Variants in ATP1B4 observed in about 807,000 individuals in gnomAD.
The protein encoded by ATP1B4 is ATPase Na+/K+ transporting family member beta 4.
Under a neutral mutation model 29.6 loss-of-function variants are expected in ATP1B4, and 32 were observed. The observed-to-expected ratio is 1.08, with a 90% CI of 0.82 to 1.45. The LOEUF is 1.45. Ranked by LOEUF, ATP1B4 falls within the 40% of genes most tolerant of loss-of-function variation. The pLI is 0.00. For missense variants in ATP1B4, 323 were observed against 276.2 expected, an observed-to-expected ratio of 1.17 and a Z score of -1.20; for synonymous variants, 127 against 102.1, an observed-to-expected ratio of 1.24 and a Z score of -1.47.
chrX:120,379,447 A>G (rs947301289), intron 7 of ATP1B4, 26 bp from the exon 8 acceptor site: 3 of 1,182,206 alleles, frequency 2.5e-6, no homozygotes, highest in Non-Finnish European at 3.4e-6. Context: ...CCCCACACTT[A>G]GAATTCATTT....
At chrX:120,364,673 C>A (rs2058276829) in intron 1 of ATP1B4, among the ~76,000 whole-genome samples, 1 of 112,352 alleles carries the variant, frequency 8.9e-6, no homozygotes, top group African/African-American at 3.2e-5. Flanking sequence ...ACACTGTGAG[C>A]CTATGTCAGT....
intron 7 of ATP1B4, 28 bp downstream of exon 7, chrX:120,378,801 T>C (rs1275439214): frequency 8.7e-7 from 1 of 1,143,011 alleles, no homozygotes; most frequent in Non-Finnish European, 1.2e-6. Flanking sequence ...TAGTCATTGC[T>C]GTCAGAAAGG....
At chrX:120,376,657 C>T (rs1292746924) in intron 6 of ATP1B4, among the ~76,000 whole-genome samples, 2 of 111,789 alleles carry the variant, frequency 1.8e-5, no homozygotes, top group East Asian at 5.6e-4. Context: ...GTGTGTGTGT[C>T]AGTCAGTCTG....
chrX:120,364,188 C>T (rs746825971), intron 1 of ATP1B4, among the ~76,000 whole-genome samples: 8 of 111,719 alleles, frequency 7.2e-5, no homozygotes, highest in African/African-American at 2.6e-4. Flanking sequence ...CCAGCTGCCT[C>T]CTCTGTGGAA....
intron 4 of ATP1B4, 41 bp downstream of exon 4, chrX:120,371,251 G>C: frequency 9.3e-7 from 1 of 1,069,524 alleles, no homozygotes; most frequent in South Asian, 1.9e-5. Flanking sequence ...TCTTTTGAAA[G>C]GTGATGGGTG....
intron 6 of ATP1B4, among the ~76,000 whole-genome samples, chrX:120,377,931 T>C (rs2058364234): frequency 8.9e-6 from 1 of 111,935 alleles, no homozygotes. Context: ...ATGCACTATT[T>C]GTCCTTACTA....
chrX:120,374,611 A>AATATTATAT (rs1418292175), intron 4 of ATP1B4, among the ~76,000 whole-genome samples: 13 of 48,927 alleles, frequency 2.7e-4, no homozygotes, highest in Non-Finnish European at 3.3e-4. Flanking sequence ...TATATAATAT[A>AATATTATAT]TATATACCCT....
Position 120,379,526 on chromosome X carries a change from C to T in ATP1B4, c.966C>T (p.Asn322=). The T allele has an allele frequency of 1.7e-6, 2 of 1,210,755 alleles. No homozygotes were observed. Among genetic ancestry groups the T allele is most frequent in the Non-Finnish European group, 2.2e-6 (2 of 894,853 alleles). ...VAMHFTDVVK[N]QAVPVQCQLK... Reference sequence around the variant, plus strand: ...TGCACTTTACAGACGTGGTGAAGAACCAAGCAGTGCCTGTGCAGTGCCAAC... The same window carrying T: ...TGCACTTTACAGACGTGGTGAAGAATCAAGCAGTGCCTGTGCAGTGCCAAC... Residue 322 remains asparagine (N), a synonymous_variant, in exon 8 of 8, where the codon AAC becomes AAT. Coordinates refer to ENST00000218008, the MANE Select transcript of ATP1B4 (RefSeq NM_001142447.3).
Position 120,375,337 on chromosome X carries a change from C to G in ATP1B4, c.563-35C>G, listed in dbSNP as rs759532763. On this transcript the variant is annotated intron_variant, in intron 4 of 7. Transcript: ENST00000218008. ...CACGGCCTTCCCCTGTAGCACCTGT[C>G]TAACATAACCTGTTGCCACTCACAC... is the stretch of plus-strand genomic sequence containing the variant. The G allele has an allele frequency of 8.5e-5, 99 of 1,159,670 alleles. No individual in the cohort carries two copies. In the East Asian group the frequency reaches 2.3e-3, roughly 27 times the overall value.
At chrX:120,372,086 G>T (rs138393689) in intron 4 of ATP1B4, among the ~76,000 whole-genome samples, 1 of 112,650 alleles carries the variant, frequency 8.9e-6, no homozygotes, top group Non-Finnish European at 1.9e-5. Context: ...AGTGTCATCA[G>T]ATAAGTTTTC....
rs2058348398 is a variant in ATP1B4, at chrX:120,375,463, G to A, written c.654G>A (p.Lys218=). The part of the protein sequence containing the change: ...IQDGNEDEDK[K]ACQFKRSFLK... ...ATGGCAATGAGGATGAGGACAAGAA[G>A]GCCTGCCAATTTAAGCGCTCCTTCC... The change falls in exon 5 of 8, where the codon AAG becomes AAA. Residue 218 remains lysine, a synonymous_variant. Transcript: ENST00000218008. 2 of 1,211,133 alleles carry A rather than the reference G, an allele frequency of 1.7e-6. No homozygotes were observed. The highest frequency in any genetic ancestry group is 1.1e-6 in the Non-Finnish European group (1 of 895,117).
intron 6 of ATP1B4, 81 bp downstream of exon 6, chrX:120,376,517 C>G (rs1239768455): frequency 1.2e-6 from 1 of 857,807 alleles, no homozygotes; most frequent in Non-Finnish European, 1.7e-6. Flanking sequence ...AGGACTTACA[C>G]ATGGATGGTA....
At chrX:120,374,755 A>G (rs372245208) in intron 4 of ATP1B4, among the ~76,000 whole-genome samples, 947 of 21,391 alleles carry the variant, frequency 0.044, 61 homozygotes, top group African/African-American at 0.063. Flanking sequence ...GGGTGTATAT[A>G]TATATATTAT....
rs181884043 is a variant in ATP1B4, at chrX:120,376,498, T to C, written c.816+62T>C. ...CTGTTTCATGCAAAAAGGTAGTCCA[T>C]CACTTTCAAGGACTTACACATGGAT... On this transcript the variant is annotated intron_variant, in intron 6 of 7. Transcript: ENST00000218008. The C allele has an allele frequency of 1.2e-5, 13 of 1,049,419 alleles. No individual in the cohort carries two copies. The Admixed American group carries it at 2.2e-4, about 18-fold the overall frequency. The allele number at this position is 1,049,419 out of a possible 1,213,427, so 86.5% of individuals were successfully genotyped here. A position where few individuals can be genotyped will look rare whatever the true frequency, so the allele number is the denominator to read the frequency against.
chrX:120,372,190 A>T (rs2058316767), intron 4 of ATP1B4, among the ~76,000 whole-genome samples: 1 of 111,995 alleles, frequency 8.9e-6, no homozygotes, highest in Non-Finnish European at 1.9e-5. Context: ...CAGGTTCTTT[A>T]TGCAGCTATC....
intron 2 of ATP1B4, 63 bp from the exon 3 acceptor site, chrX:120,370,652 C>A: frequency 5.9e-6 from 7 of 1,184,499 alleles, no homozygotes; most frequent in South Asian, 5.7e-5. Context: ...GTTCATGAGT[C>A]CAAGCAGGGA....
At chrX:120,366,925 A>G in intron 2 of ATP1B4, 136 bp downstream of exon 2, 1 of 1,024,580 alleles carries the variant, frequency 9.8e-7, no homozygotes, top group African/African-American at 1.9e-5. Context: ...ATCAATGCCT[A>G]GGGAAATGCC....
At chrX:120,375,838 C>T (rs2058351648) in intron 5 of ATP1B4, among the ~76,000 whole-genome samples, 2 of 109,419 alleles carry the variant, frequency 1.8e-5, no homozygotes, top group Non-Finnish European at 3.8e-5. Context: ...TGCAGTGGCT[C>T]GAGGTTATAA....
chrX:120,367,654 T>C (rs1032331804), intron 2 of ATP1B4, among the ~76,000 whole-genome samples: 1 of 110,818 alleles, frequency 9.0e-6, no homozygotes, highest in Non-Finnish European at 1.9e-5. Flanking sequence ...AGAAAAAAAA[T>C]AGAGGATGCC....
Sources: allele counts gnomAD v4.1 joint callset (sites outside exome capture counted in the v4.1 genomes callset), GRCh38; gene constraint gnomAD v4.1.1; transcripts MANE v1.5; gene names NCBI Gene and HGNC (gene_info 2026-07-23, HGNC 2026-07-21).